Variants in MVK observed in about 807,000 individuals in gnomAD.
MVK encodes the protein LH receptor mRNA-binding protein.
Under a neutral mutation model 43.2 loss-of-function variants are expected in MVK, and 34 were observed. The ratio of observed to expected loss-of-function variants is 0.79; its 90% CI spans 0.60 to 1.05. MVK has a LOEUF of 1.05. Ranked by LOEUF, MVK falls within the 50% of genes least tolerant of loss-of-function variation. The pLI is 0.00. For missense variants in MVK, 395 were observed against 504.0 expected (o/e 0.78, Z 2.07); for synonymous variants, 190 against 219.8 (o/e 0.86, Z 1.20).
chr12:109,583,760 G>C (rs1289730210), intron 5 of MVK, among the ~76,000 whole-genome samples: 1 of 152,206 alleles, frequency 6.6e-6, no homozygotes, highest in Admixed American at 6.5e-5. Flanking sequence ...TCCAGCACCT[G>C]TTGAGAAACA....
rs1240077031 is a variant in MVK, at chr12:109,579,793, G to C, written c.227-9G>C. 2 of 1,614,118 alleles carry C rather than the reference G, an allele frequency of 1.2e-6. No individual in the cohort carries two copies. The highest frequency in any genetic ancestry group is 1.7e-6 in the Non-Finnish European group (2 of 1,180,044). On this transcript the variant is annotated splice_polypyrimidine_tract_variant and intron_variant, in intron 3 of 10. Coordinates refer to ENST00000228510, the MANE Select transcript of MVK (RefSeq NM_000431.4). ...CCCACTTGTGTTTGCTTGTTTGCCT[G>C]TGGAACAGAGCAAGGTGATGTCACA...
Position 109,596,507 on chromosome 12 carries a change from C to T in MVK, c.1121C>T (p.Ala374Val). 6.2e-7 allele frequency: 1 copy of T among 1,612,868 alleles called. No homozygotes were observed. ...GFDCLETSIG[A>V]PGVSIHSATS... is the part of the protein sequence containing the mutation. ...GACTGCTTGGAAACCAGCATCGGTG[C>T]CCCCGGCGTCTCCATCCACTCAGCC... Residue 374 changes from alanine to valine, a missense_variant, in exon 11 of 11, where the codon GCC becomes GTC. Transcript: ENST00000228510.
Position 109,586,007 on chromosome 12 carries a change from C to T in MVK, c.528-15C>T, listed in dbSNP as rs895927591. 1.9e-5 allele frequency: 30 copies of T among 1,605,646 alleles called. No homozygotes were observed. The highest frequency in any genetic ancestry group is 2.4e-5 in the Non-Finnish European group (28 of 1,172,396). On this transcript the variant is annotated splice_polypyrimidine_tract_variant and intron_variant, in intron 5 of 10. Coordinates refer to ENST00000228510, the MANE Select transcript of MVK (RefSeq NM_000431.4). ...TCCTCACTGCCACAGTAAAGATGAACATCTGTGTCTTCAGGTGGACCAAGG... is the reference window on the plus strand; with the variant it reads ...TCCTCACTGCCACAGTAAAGATGAATATCTGTGTCTTCAGGTGGACCAAGG...
intron 5 of MVK, among the ~76,000 whole-genome samples, chr12:109,582,058 G>T (rs1348094808): frequency 1.3e-5 from 2 of 152,200 alleles, no homozygotes; most frequent in African/African-American, 4.8e-5. Context: ...CTCCTCCTAC[G>T]GGGCCGTCTC....
intron 1 of MVK, 103 bp from the exon 2 acceptor site, chr12:109,574,705 CT>C: frequency 3.0e-6 from 3 of 1,012,864 alleles, no homozygotes; most frequent in Non-Finnish European, 4.5e-6. Flanking sequence ...CGGTAACTAC[CT>C]TTTTTGTTAT....
intron 3 of MVK, among the ~76,000 whole-genome samples, chr12:109,578,188 A>G (rs1338246135): frequency 2.0e-5 from 3 of 151,934 alleles, no homozygotes; most frequent in Non-Finnish European, 4.4e-5. Context: ...GAGACATACT[A>G]TCTTCTAGGT....
intron 5 of MVK, among the ~76,000 whole-genome samples, chr12:109,585,557 C>T (rs975275043): frequency 2.6e-5 from 4 of 152,144 alleles, no homozygotes; most frequent in Admixed American, 6.5e-5. Context: ...GAGGCCAAAG[C>T]GGGCGTTCGA....
rs535068480 is a variant in MVK at position 109,576,646 on chromosome 12, G to A, written c.226+501G>A. Among the ~76,000 whole-genome samples the A allele has an allele frequency of 5.2e-4, 79 of 152,108 alleles. 2 individuals are homozygous for A. Among genetic ancestry groups the A allele is most frequent in the East Asian group, 1.9e-3 (10 of 5,168 alleles). On this transcript the variant is annotated intron_variant, in intron 3 of 10. Coordinates refer to ENST00000228510, the MANE Select transcript of MVK (RefSeq NM_000431.4). ...AGCACTTTGGGAGGCCAAGGCGGGCGGATCATCTGAGGTCAGGAGTTCGAG... is the reference window on the plus strand; with the variant it reads ...AGCACTTTGGGAGGCCAAGGCGGGCAGATCATCTGAGGTCAGGAGTTCGAG...
intron 5 of MVK, among the ~76,000 whole-genome samples, chr12:109,585,482 C>T (rs1885396691): frequency 6.6e-6 from 1 of 152,094 alleles, no homozygotes; most frequent in Admixed American, 6.6e-5. Context: ...CAGAGTCACT[C>T]AGCTAGTAAG....
intron 9 of MVK, 105 bp from the exon 10 acceptor site, chr12:109,594,923 G>C (rs996591148): frequency 4.1e-6 from 6 of 1,452,188 alleles, no homozygotes; most frequent in South Asian, 2.3e-5. Context: ...GCCGTTGGCT[G>C]TCTCCAGCCA....
intron 6 of MVK, among the ~76,000 whole-genome samples, chr12:109,586,507 G>A (rs1266774969): frequency 6.6e-6 from 1 of 152,202 alleles, no homozygotes; most frequent in South Asian, 2.1e-4. Flanking sequence ...GTGGCTTGTC[G>A]GGGGAAGCTG....
rs1480294974 is a variant in MVK, at chr12:109,581,411, G to A, written c.388G>A (p.Asp130Asn). 1.2e-6 allele frequency: 2 copies of A among 1,613,984 alleles called. No homozygotes were observed. The highest frequency in any genetic ancestry group is 8.5e-7 in the Non-Finnish European group (1 of 1,180,032). ...CRKQRALPSL[D>N]IVVWSELPPG... Reference sequence around the variant, plus strand: ...GTGTTTCAGGGCCCTGCCGAGCCTGGATATCGTAGTGTGGTCGGAGCTGCC... The same window carrying A: ...GTGTTTCAGGGCCCTGCCGAGCCTGAATATCGTAGTGTGGTCGGAGCTGCC... The change falls in exon 5 of 11, where the codon GAT becomes AAT. Residue 130 changes from aspartate (D) to asparagine (N), a missense_variant. Transcript: ENST00000228510.
At chr12:109,590,450 CCTT>C (rs1421063459) in intron 7 of MVK, 2 of 410,272 alleles carry the variant, frequency 4.9e-6, no homozygotes, top group Non-Finnish European at 9.2e-6. Flanking sequence ...GCCAGAAAAA[CCTT>C]CTCGGCCCTT....
At position 109,574,865 on chromosome 12, in the gene MVK, A is replaced by G. The variant is rs1479390871; in HGVS notation, c.43A>G (p.Ile15Val). 6.2e-7 allele frequency: 1 copy of G among 1,610,276 alleles called. No individual in the cohort carries two copies. The highest frequency in any genetic ancestry group is 2.2e-5 in the East Asian group (1 of 44,858). Residue 15 changes from isoleucine to valine, a missense_variant, in exon 2 of 11, where the codon ATC (isoleucine) becomes GTC (valine). By Grantham distance (29) the Ile-to-Val change is conservative (BLOSUM62 3). Transcript: ENST00000228510. ...VLLVSAPGKV[I>V]LHGEHAVVHG... ...ACTGGTGTCTGCTCCGGGGAAAGTCATCCTTCATGGAGAACATGCCGTGGT... is the reference window on the plus strand; with the variant it reads ...ACTGGTGTCTGCTCCGGGGAAAGTCGTCCTTCATGGAGAACATGCCGTGGT...
In MVK at chr12:109,586,739, G is replaced by C. The variant is rs1327905019; in HGVS notation, c.632-15G>C. 1 of 1,613,918 alleles carries C rather than the reference G, an allele frequency of 6.2e-7. No individual in the cohort carries two copies. The highest frequency in any genetic ancestry group is 1.3e-5 in the African/African-American group (1 of 74,934). On this transcript the variant is annotated splice_polypyrimidine_tract_variant and intron_variant, in intron 6 of 10. Coordinates refer to ENST00000228510, the MANE Select transcript of MVK (RefSeq NM_000431.4). ...GCTTTTCCCACAGCTCTGACCCACT[G>C]GTTTTTCTCTTTAGGAGGAGCCCTC...
At chr12:109,575,976 G>A in intron 2 of MVK, 22 bp from the exon 3 acceptor site, 1 of 1,613,972 alleles carries the variant, frequency 6.2e-7, no homozygotes, top group Non-Finnish European at 8.5e-7. Context: ...CAGGCTTATT[G>A]CTTTTGTCAT....
intron 10 of MVK, 43 bp from the exon 11 acceptor site, chr12:109,596,383 G>A (rs970227668): frequency 1.4e-5 from 22 of 1,600,288 alleles, no homozygotes; most frequent in Non-Finnish European, 1.9e-5. Flanking sequence ...TTCTCCCACG[G>A]AGCGGAGAGT....
chr12:109,580,259 T>TCC lies in MVK; in HGVS notation c.371+313_371+314insCC, dbSNP rs72647002. Among the ~76,000 whole-genome samples, 1,340 of 152,276 alleles carry TCC rather than the reference T, an allele frequency of 8.8e-3. 9 individuals are homozygous for TCC. The highest frequency in any genetic ancestry group is 0.015 in the Non-Finnish European group (1,028 of 68,008). The stretch of plus-strand genomic sequence containing the variant: ...CTGGGACTACAGGTGCGCACCACCA[T>TCC]GCCTGGCTAAATTTTTAAATTTTTG... On this transcript the variant is annotated intron_variant, in intron 4 of 10. Transcript: ENST00000228510.
rs768375091 is a variant in MVK at position 109,586,817 on chromosome 12, C to T, written c.677+18C>T. On this transcript the variant is annotated intron_variant, in intron 7 of 10. Coordinates refer to ENST00000228510, the MANE Select transcript of MVK (RefSeq NM_000431.4). ...TTAAAGAGGTAACCTGGGGGTGGAG[C>T]AGCACATTCAGCCATGGCTGCATTG... 1.1e-4 allele frequency: 181 copies of T among 1,613,778 alleles called. No homozygotes were observed. The highest frequency in any genetic ancestry group is 1.5e-4 in the Non-Finnish European group (172 of 1,179,870).
Sources: allele counts gnomAD v4.1 joint callset (sites outside exome capture counted in the v4.1 genomes callset), GRCh38; gene constraint gnomAD v4.1.1; transcripts MANE v1.5; gene names NCBI Gene and HGNC (gene_info 2026-07-23, HGNC 2026-07-21).